Variants in DNAJA4 observed in about 807,000 individuals in gnomAD.
The protein encoded by DNAJA4 is DnaJ heat shock protein family (Hsp40) member A4.
Under a neutral mutation model 39.7 loss-of-function variants are expected in DNAJA4, and 32 were observed. The ratio of observed to expected loss-of-function variants is 0.81; its 90% CI spans 0.61 to 1.08. The LOEUF (loss-of-function observed/expected upper bound fraction) is 1.08, where lower values mean the gene tolerates loss of function less well. Among genes scored for constraint, DNAJA4 ranks in the 50% least tolerant of loss-of-function variants. DNAJA4 has a pLI of 0.00. For synonymous variants in DNAJA4, 184 were observed against 182.4 expected (o/e 1.01, Z -0.07); for missense variants, 439 against 505.1 (o/e 0.87, Z 1.25).
At chr15:78,272,884 C>A (rs552774281) in intron 2 of DNAJA4, among the ~76,000 whole-genome samples, 1 of 152,182 alleles carries the variant, frequency 6.6e-6, no homozygotes, top group Non-Finnish European at 1.5e-5. Flanking sequence ...TAGCTCATAG[C>A]TAGAGAGGGT....
chr15:78,269,054 TGAG>T (rs2049223669), intron 1 of DNAJA4, among the ~76,000 whole-genome samples: 2 of 152,004 alleles, frequency 1.3e-5, no homozygotes, highest in South Asian at 2.1e-4. Context: ...ACTGCAGAGT[TGAG>T]GAACAGCAGG....
At chr15:78,268,360 A>G (rs2049200105) in intron 1 of DNAJA4, among the ~76,000 whole-genome samples, 1 of 152,224 alleles carries the variant, frequency 6.6e-6, no homozygotes, top group South Asian at 2.1e-4. Context: ...CAGAAATGGT[A>G]TGAGAATTAA....
chr15:78,267,356 C>A (rs180944546), intron 1 of DNAJA4, among the ~76,000 whole-genome samples: 1 of 152,080 alleles, frequency 6.6e-6, no homozygotes, highest in African/African-American at 2.4e-5. Flanking sequence ...CTGAGAAGGC[C>A]GTTGAAATGT....
rs2049597245 is a variant in DNAJA4 at position 78,279,727 on chromosome 15, C to T, written c.878-318C>T. 1 of 374,476 alleles carries T rather than the reference C, an allele frequency of 2.7e-6. No individual in the cohort carries two copies. The highest frequency in any genetic ancestry group is 3.7e-5 in the South Asian group (1 of 26,884). 23.2% of individuals were successfully genotyped at this position (374,476 alleles called of 1,614,324 possible). On this transcript the variant is annotated intron_variant, in intron 5 of 6. Coordinates refer to ENST00000394852, the MANE Select transcript of DNAJA4 (RefSeq NM_001130182.2). The surrounding 1 kb of genome is among the most constrained non-coding windows in gnomAD (Gnocchi z 4.5). ...AGAGGCAGGGTGACAGGTGTTGGCCCCATTTTAGGCAGACTTGGGTGTCAT... is the reference window on the plus strand; with the variant it reads ...AGAGGCAGGGTGACAGGTGTTGGCCTCATTTTAGGCAGACTTGGGTGTCAT...
At position 78,274,503 on chromosome 15, in the gene DNAJA4, T is replaced by A. The variant is rs773389887; in HGVS notation, c.646+79T>A. 5.4e-6 allele frequency: 7 copies of A among 1,291,578 alleles called. No individual in the cohort carries two copies. The Admixed American group carries it at 1.3e-4, about 23-fold the overall frequency. 80.0% of individuals were successfully genotyped at this position (1,291,578 alleles called of 1,614,324 possible). ...CTAATCGTGAGATACACAGACTAGA[T>A]GTCAGGGAAGTGAGCTGTATCACAA... On this transcript the variant is annotated intron_variant, in intron 4 of 6. Coordinates refer to ENST00000394852, the MANE Select transcript of DNAJA4 (RefSeq NM_001130182.2).
At chr15:78,264,198 C>A, upstream of DNAJA4, 1 of 713,614 alleles carries the variant, frequency 1.4e-6, no homozygotes, top group Admixed American at 4.3e-5. Flanking sequence ...AGGCCGCCTA[C>A]TCTCCAGCCA....
rs1198780239 is a variant in DNAJA4 at position 78,267,173 on chromosome 15, A to AGTGT, written c.132+2282_132+2285dup. ...GTGTGAGTGTGTATGTGAGTGTGTG[A>AGTGT]GTGTGTGAGTGTGTGTGTGAGTGTG... On this transcript the variant is annotated intron_variant, in intron 1 of 6. Transcript: ENST00000394852. Among the ~76,000 whole-genome samples, 9 of 92,426 alleles carry AGTGT rather than the reference A, an allele frequency of 9.7e-5. 2 individuals are homozygous for AGTGT. In the East Asian group the frequency reaches 1.7e-3, roughly 17 times the overall value. The allele number at this position is 92,426 out of a possible 152,430, so 60.6% of individuals were successfully genotyped here.
chr15:78,265,968 A>G (rs1029957594), intron 1 of DNAJA4: 1 of 586,552 alleles, frequency 1.7e-6, no homozygotes, highest in African/African-American at 1.9e-5. Flanking sequence ...GAATGGCAAC[A>G]GTGATGGAAT....
chr15:78,267,460 C>A (rs2049174228), intron 1 of DNAJA4, among the ~76,000 whole-genome samples: 1 of 126,666 alleles, frequency 7.9e-6, no homozygotes, highest in African/African-American at 3.1e-5. Context: ...TACTTCTCTG[C>A]GGGTGTTTTT....
At chr15:78,264,522 G>C (rs2049059062), upstream of DNAJA4, 1 of 1,235,028 alleles carries the variant, frequency 8.1e-7, no homozygotes, top group Middle Eastern at 3.1e-4. Flanking sequence ...AGCTTCCGCC[G>C]GCGCCGAATA....
rs1430941053 is a variant in DNAJA4, at chr15:78,270,626, A to G, written c.262A>G (p.Ile88Val). ...CCCCAGCTTCTCTTCACCCATGGAC[A>G]TCTTTGACATGTTCTTTGGTGGTGG... ...GSPSFSSPMD[I>V]FDMFFGGGGR... is the part of the protein sequence containing the mutation. Residue 88 changes from isoleucine to valine, a missense_variant, in exon 2 of 7, where the codon ATC becomes GTC. Coordinates refer to ENST00000394852, the MANE Select transcript of DNAJA4 (RefSeq NM_001130182.2). The G allele has an allele frequency of 6.2e-7, 1 of 1,614,208 alleles. No homozygotes were observed. The highest frequency in any genetic ancestry group is 8.5e-7 in the Non-Finnish European group (1 of 1,180,040).
At chr15:78,266,064 C>T (rs2049114177) in intron 1 of DNAJA4, 3 of 610,926 alleles carry the variant, frequency 4.9e-6, no homozygotes, top group South Asian at 4.2e-5. Flanking sequence ...TACTCACTTG[C>T]GTTCTTTCTC....
At chr15:78,264,210 C>A, upstream of DNAJA4, 1 of 813,178 alleles carries the variant, frequency 1.2e-6, no homozygotes, top group Non-Finnish European at 1.7e-6. Context: ...CTCCAGCCAG[C>A]CGGCTCCACG....
At chr15:78,274,751 A>G in intron 4 of DNAJA4, 1 of 372,310 alleles carries the variant, frequency 2.7e-6, no homozygotes, top group Non-Finnish European at 5.1e-6. Flanking sequence ...CCATTCCTCT[A>G]GAATCTTTCG....
At position 78,279,967 on chromosome 15, in the gene DNAJA4, C is replaced by CAGGCTCTCCCAT; in HGVS notation, c.878-77_878-66dup. On this transcript the variant is annotated intron_variant, in intron 5 of 6. Transcript: ENST00000394852. The surrounding 1 kb of genome is among the most constrained non-coding windows in gnomAD (Gnocchi z 4.5). ...TGCCACGGGGCACTAGGGCCTGCCG[C>CAGGCTCTCCCAT]AGGCTCTCCCATGAGGGAGAACGAC... 7.1e-7 allele frequency: 1 copy of CAGGCTCTCCCAT among 1,405,264 alleles called. No individual in the cohort carries two copies. Among genetic ancestry groups the CAGGCTCTCCCAT allele is most frequent in the East Asian group, 2.3e-5 (1 of 43,854 alleles). The allele number at this position is 1,405,264 out of a possible 1,614,324, so 87.0% of individuals were successfully genotyped here. A position where few individuals can be genotyped will look rare whatever the true frequency, so the allele number is the denominator to read the frequency against.
intron 1 of DNAJA4, chr15:78,265,826 A>G (rs2049106910): frequency 1.6e-6 from 1 of 613,448 alleles, no homozygotes; most frequent in East Asian, 2.7e-5. Context: ...TAGCAGTGTC[A>G]CTTGGGCCAC....
At chr15:78,278,554 T>C (rs1313405283) in intron 5 of DNAJA4, among the ~76,000 whole-genome samples, 1 of 152,188 alleles carries the variant, frequency 6.6e-6, no homozygotes, top group African/African-American at 2.4e-5. Context: ...AGTATGTGAG[T>C]ATCTGAACAT....
At chr15:78,277,696 A>G (rs2049509636) in intron 5 of DNAJA4, 1 of 297,758 alleles carries the variant, frequency 3.4e-6, no homozygotes, top group Non-Finnish European at 6.5e-6. Context: ...GGGGTGGACT[A>G]TTTGAGGTCC....
chr15:78,277,373 G>A (rs571624081), intron 5 of DNAJA4, among the ~76,000 whole-genome samples: 1 of 152,114 alleles, frequency 6.6e-6, no homozygotes, highest in African/African-American at 2.4e-5. Context: ...CCAGACTTGT[G>A]TGTGTTTTTA....
Sources: gnomAD v4.1 joint callset for allele counts (sites outside exome capture counted in the v4.1 genomes callset) on GRCh38, gnomAD v4.1.1 for gene constraint, Gnocchi (gnomAD v3.1) non-coding constraint, MANE v1.5 for transcripts, NCBI Gene and HGNC (gene_info 2026-07-23, HGNC 2026-07-21) for gene names.